The following JMJD1C variants were observed in gnomAD, a reference collection of about 807,000 sequenced individuals.
JMJD1C encodes jumonji domain containing 1C, also known as jumonji domain-containing protein 1C.
Under a neutral mutation model 245.3 loss-of-function variants are expected in JMJD1C, and 31 were observed. That is an observed-to-expected ratio of 0.13 (90% CI 0.09 to 0.17). The LOEUF (loss-of-function observed/expected upper bound fraction) is 0.17, where lower values mean the gene tolerates loss of function less well. Ranked by LOEUF, JMJD1C falls within the 10% of genes least tolerant of loss-of-function variation. JMJD1C has a pLI of 1.00. For missense variants in JMJD1C, 2,691 were observed against 3,000.2 expected (o/e 0.90, Z 2.41); for synonymous variants, 1,057 against 1,017.4 (o/e 1.04, Z -0.74).
At chr10:63,421,252 T>C (rs1294524867) in intron 1 of JMJD1C, among the ~76,000 whole-genome samples, 1 of 152,192 alleles carries the variant, frequency 6.6e-6, no homozygotes, top group African/African-American at 2.4e-5. Flanking sequence ...GAGAATTGCT[T>C]GAATCCGGGA....
chr10:63,213,501 G>A lies in JMJD1C; in HGVS notation c.2666C>T (p.Ala889Val). ...CCTTAATGAAGCTTCAGCATTAACT[G>A]CATTTTCTGGGTGAACCCACTTAGA... ...PSSKWVHPEN[A>V]VNAEASLRRN... The change falls in exon 8 of 26, where the codon GCA becomes GTA. Residue 889 changes from alanine (A) to valine (V), a missense_variant. Around this residue, in one of 9 missense-constraint regions of JMJD1C, gnomAD observed 1,562 missense variants for 1,490.7 expected, o/e 1.05. Coordinates refer to ENST00000399262, the MANE Select transcript of JMJD1C (RefSeq NM_032776.3). 1 of 1,602,222 alleles carries A rather than the reference G, an allele frequency of 6.2e-7. No homozygotes were observed. Among genetic ancestry groups the A allele is most frequent in the Non-Finnish European group, 8.5e-7 (1 of 1,170,284 alleles).
Position 63,387,264 on chromosome 10 carries a change from A to C in JMJD1C, c.169-6782T>G, listed in dbSNP as rs182497503. Among the ~76,000 whole-genome samples, 1,061 of 152,304 alleles carry C rather than the reference A, an allele frequency of 7.0e-3. 5 individuals are homozygous for C. The highest frequency in any genetic ancestry group is 9.8e-3 in the Non-Finnish European group (666 of 68,024). On this transcript the variant is annotated intron_variant, in intron 1 of 25. Transcript: ENST00000399262. The stretch of plus-strand genomic sequence containing the variant: ...ATGTAGAAATAAAAGAAACAAGAAG[A>C]AGCAAGAAAATGTGAATCCATGATA...
intron 2 of JMJD1C, among the ~76,000 whole-genome samples, chr10:63,281,313 T>G (rs1433036587): frequency 6.9e-6 from 1 of 145,600 alleles, no homozygotes; most frequent in Non-Finnish European, 1.5e-5. Context: ...TTTTCTGTTT[T>G]TTTTTTTTGT....
intron 1 of JMJD1C, among the ~76,000 whole-genome samples, chr10:63,417,308 G>T (rs1949865482): frequency 6.6e-6 from 1 of 152,264 alleles, no homozygotes. Flanking sequence ...GTTTTTAAAA[G>T]CAGAAATTAA....
chr10:63,318,224 C>T (rs1445245195), intron 2 of JMJD1C, among the ~76,000 whole-genome samples: 1 of 151,992 alleles, frequency 6.6e-6, no homozygotes, highest in African/African-American at 2.4e-5. Context: ...CTTATGTTGC[C>T]CAGGCTAGTC....
At chr10:63,330,828 A>G (rs555728634) in intron 2 of JMJD1C, among the ~76,000 whole-genome samples, 1 of 152,304 alleles carries the variant, frequency 6.6e-6, no homozygotes, top group Non-Finnish European at 1.5e-5. Flanking sequence ...ATGCTCCACT[A>G]AAATGCCCAG....
chr10:63,441,346 T>C (rs2132930924), intron 1 of JMJD1C, among the ~76,000 whole-genome samples: 1 of 152,314 alleles, frequency 6.6e-6, no homozygotes, highest in African/African-American at 2.4e-5. Context: ...TTATCAGTTA[T>C]AATATGCATG....
chr10:63,296,414 C>T (rs1859439615), intron 2 of JMJD1C, among the ~76,000 whole-genome samples: 1 of 152,150 alleles, frequency 6.6e-6, no homozygotes, highest in South Asian at 2.1e-4. Context: ...GGCATATCAT[C>T]ACAGCCTTCT....
chr10:63,449,378 T>C (rs769377711), intron 1 of JMJD1C, among the ~76,000 whole-genome samples: 93 of 152,164 alleles, frequency 6.1e-4, no homozygotes, highest in Non-Finnish European at 1.0e-3. Context: ...ATTAAAACTT[T>C]AGGCAAGATT....
At chr10:63,292,143 G>GTTTTTTTTTTTTT (rs1396774570) in intron 2 of JMJD1C, among the ~76,000 whole-genome samples, 5 of 13,534 alleles carry the variant, frequency 3.7e-4, no homozygotes, top group African/African-American at 1.7e-3. Context: ...TGTAGAGACA[G>GTTTTTTTTTTTTT]ATTTTTTTTT....
At chr10:63,300,949 T>C (rs1019221767) in intron 2 of JMJD1C, among the ~76,000 whole-genome samples, 4 of 151,432 alleles carry the variant, frequency 2.6e-5, no homozygotes, top group African/African-American at 9.7e-5. Context: ...GAATATTCAA[T>C]GTTAAGACCT....
At chr10:63,330,786 C>T (rs1035445467) in intron 2 of JMJD1C, among the ~76,000 whole-genome samples, 5 of 152,152 alleles carry the variant, frequency 3.3e-5, no homozygotes, top group Non-Finnish European at 5.9e-5. Context: ...CAGTCCTCCT[C>T]TTTGTATTTC....
chr10:63,465,973 G>C lies in JMJD1C; in HGVS notation c.-311C>G, dbSNP rs1019884539. 1.0e-5 allele frequency: 4 copies of C among 385,834 alleles called. No individual in the cohort carries two copies. The highest frequency in any genetic ancestry group is 4.7e-5 in the Admixed American group (1 of 21,202). The allele number at this position is 385,834 out of a possible 1,614,324, so 23.9% of individuals were successfully genotyped here. On this transcript the variant is annotated 5_prime_UTR_variant, in exon 1 of 26. Transcript: ENST00000399262. ...AGCCGCCGCCACCGCGCCGCGGCCAGTACTGCTCCGTCTCCCTCCCCGGGC... is the reference window on the plus strand; with the variant it reads ...AGCCGCCGCCACCGCGCCGCGGCCACTACTGCTCCGTCTCCCTCCCCGGGC...
intron 1 of JMJD1C, among the ~76,000 whole-genome samples, chr10:63,395,972 T>C (rs1948457159): frequency 6.6e-6 from 1 of 152,150 alleles, no homozygotes; most frequent in Non-Finnish European, 1.5e-5. Context: ...AGTAATTTTA[T>C]AGGGGAGTGA....
At chr10:63,481,582 A>G (rs1399560648) in intron 1 of JMJD1C, among the ~76,000 whole-genome samples, 1 of 152,234 alleles carries the variant, frequency 6.6e-6, no homozygotes, top group Admixed American at 6.5e-5. Flanking sequence ...TCAATTATAG[A>G]TTATCTAAAT....
At chr10:63,180,970 G>A (rs1055491508) in intron 22 of JMJD1C, among the ~76,000 whole-genome samples, 7 of 151,968 alleles carry the variant, frequency 4.6e-5, no homozygotes, top group East Asian at 1.9e-4. Context: ...GGGTTTCACC[G>A]TTTTAGCTGG....
intron 3 of JMJD1C, among the ~76,000 whole-genome samples, chr10:63,258,906 T>A (rs1050194510): frequency 3.3e-5 from 5 of 152,170 alleles, no homozygotes; most frequent in African/African-American, 1.2e-4. Flanking sequence ...AGCAGTGACA[T>A]GATACCACGA....
Position 63,222,818 on chromosome 10 carries a change from G to C in JMJD1C, c.448-2835C>G. On this transcript the variant is annotated intron_variant, in intron 3 of 25. Transcript: ENST00000399262. ...TAGTGAAAAATTAATGATTGAGACA[G>C]ATGCACCTTGGTGTGGAGTCAAAAG... is the stretch of plus-strand genomic sequence containing the variant. 6 of 1,440,580 alleles carry C rather than the reference G, an allele frequency of 4.2e-6. No individual in the cohort carries two copies. In the South Asian group the frequency reaches 6.9e-5, roughly 16 times the overall value. The allele number at this position is 1,440,580 out of a possible 1,614,324, so 89.2% of individuals were successfully genotyped here. A position where few individuals can be genotyped will look rare whatever the true frequency, so the allele number is the denominator to read the frequency against.
chr10:63,173,716 T>C (rs576371522), intron 24 of JMJD1C, among the ~76,000 whole-genome samples: 1 of 150,950 alleles, frequency 6.6e-6, no homozygotes, highest in Admixed American at 6.7e-5. Flanking sequence ...AGCAAGATAC[T>C]GTCTTTTAAA....
Sources: allele counts gnomAD v4.1 joint callset (sites outside exome capture counted in the v4.1 genomes callset), GRCh38; gene constraint gnomAD v4.1.1; regional missense constraint gnomAD v4.1.1; transcripts MANE v1.5; gene names NCBI Gene and HGNC (gene_info 2026-07-23, HGNC 2026-07-21).